Variants in MIPEP observed in about 807,000 individuals in gnomAD.
MIPEP encodes the protein mitochondrial intermediate peptidase.
Under a neutral mutation model 90.3 loss-of-function variants are expected in MIPEP, and 79 were observed. That is an observed-to-expected ratio of 0.87 (90% CI 0.73 to 1.05). The LOEUF is 1.05. Ranked by LOEUF, MIPEP falls within the 50% of genes least tolerant of loss-of-function variation. The pLI is 0.00. For missense variants in MIPEP, 940 were observed against 905.6 expected (o/e 1.04, Z -0.49); for synonymous variants, 334 against 315.8 (o/e 1.06, Z -0.61).
intron 18 of MIPEP, among the ~76,000 whole-genome samples, chr13:23,734,127 TG>T (rs1313470535): frequency 1.3e-5 from 2 of 152,222 alleles, no homozygotes; most frequent in South Asian, 2.1e-4. Context: ...AGAGAACATT[TG>T]TAGGGAAAAC....
intron 10 of MIPEP, among the ~76,000 whole-genome samples, chr13:23,842,837 C>T (rs1248807074): frequency 6.6e-6 from 1 of 152,102 alleles, no homozygotes. Context: ...CTGTGGCTCA[C>T]GCCTATAATC....
At chr13:23,821,601 C>A (rs1953305657) in intron 14 of MIPEP, among the ~76,000 whole-genome samples, 1 of 152,180 alleles carries the variant, frequency 6.6e-6, no homozygotes, top group East Asian at 1.9e-4. Flanking sequence ...CAATGAATCT[C>A]ACCTGATCCT....
At chr13:23,822,431 G>A (rs893608613) in intron 14 of MIPEP, among the ~76,000 whole-genome samples, 1 of 152,202 alleles carries the variant, frequency 6.6e-6, no homozygotes, top group Non-Finnish European at 1.5e-5. Flanking sequence ...CACCCCGCAA[G>A]GCTGTACTAC....
At chr13:23,737,047 C>A (rs1952272838) in intron 18 of MIPEP, among the ~76,000 whole-genome samples, 2 of 152,168 alleles carry the variant, frequency 1.3e-5, no homozygotes, top group South Asian at 2.1e-4. Flanking sequence ...TGTGACAGAA[C>A]CTAAATATGT....
chr13:23,837,863 TTTAAC>T, intron 12 of MIPEP, 107 bp from the exon 13 acceptor site: 1 of 717,730 alleles, frequency 1.4e-6, no homozygotes, highest in Admixed American at 2.7e-5. Flanking sequence ...GAGTGCAAAC[TTTAAC>T]TTAATTATAT....
intron 5 of MIPEP, 94 bp from the exon 6 acceptor site, chr13:23,870,289 T>C (rs1043035772): frequency 1.4e-5 from 10 of 719,324 alleles, no homozygotes; most frequent in African/African-American, 1.3e-4. Context: ...AATCAACATA[T>C]ATATTGTTGA....
chr13:23,777,329 G>T (rs190559927), intron 16 of MIPEP, among the ~76,000 whole-genome samples: 18 of 152,266 alleles, frequency 1.2e-4, no homozygotes, highest in African/African-American at 3.9e-4. Context: ...TTAAAATCTG[G>T]TTATCATCTA....
chr13:23,822,442 G>A (rs1416849936), intron 14 of MIPEP, among the ~76,000 whole-genome samples: 2 of 152,150 alleles, frequency 1.3e-5, no homozygotes, highest in Non-Finnish European at 2.9e-5. Context: ...GCTGTACTAC[G>A]GTTGGGTAAC....
chr13:23,886,900 T>G (rs1871509108), intron 1 of MIPEP, among the ~76,000 whole-genome samples: 1 of 151,980 alleles, frequency 6.6e-6, no homozygotes, highest in Admixed American at 6.6e-5. Context: ...CCATAATTAT[T>G]ATTAGCTTAT....
chr13:23,761,628 A>G (rs1952545170), intron 16 of MIPEP, among the ~76,000 whole-genome samples: 1 of 152,214 alleles, frequency 6.6e-6, no homozygotes, highest in South Asian at 2.1e-4. Context: ...ATTCATCAGC[A>G]GGTGCAGGGC....
chr13:23,888,040 T>C, intron 1 of MIPEP: 2 of 413,058 alleles, frequency 4.8e-6, no homozygotes, highest in South Asian at 3.6e-5. Flanking sequence ...AAGGCTTTTT[T>C]TTTTTCAAGG....
intron 2 of MIPEP, 120 bp downstream of exon 2, chr13:23,886,213 G>T: frequency 1.3e-6 from 1 of 761,874 alleles, no homozygotes; most frequent in Non-Finnish European, 1.8e-6. Context: ...ATGGATCTCA[G>T]TTTCAGACAT....
chr13:23,804,741 C>A (rs143993148), intron 16 of MIPEP, among the ~76,000 whole-genome samples: 9 of 152,254 alleles, frequency 5.9e-5, no homozygotes, highest in African/African-American at 2.2e-4. Context: ...AGCATTAGGA[C>A]CTGAAGATTT....
At chr13:23,858,681 A>C (rs1870152086) in intron 10 of MIPEP, among the ~76,000 whole-genome samples, 179 bp downstream of exon 10, 1 of 152,122 alleles carries the variant, frequency 6.6e-6, no homozygotes, top group African/African-American at 2.4e-5. Flanking sequence ...TAGAATTTTA[A>C]ACAAGGAAAT....
intron 16 of MIPEP, chr13:23,766,025 G>A (rs925984628): frequency 1.3e-5 from 2 of 152,130 alleles, no homozygotes; most frequent in Non-Finnish European, 2.9e-5. Context: ...AAAGGCCTCT[G>A]ATATGGAATA....
intron 3 of MIPEP, among the ~76,000 whole-genome samples, chr13:23,879,854 C>A (rs1871207856): frequency 6.6e-6 from 1 of 152,098 alleles, no homozygotes; most frequent in South Asian, 2.1e-4. Flanking sequence ...ATCATGTGTG[C>A]AGCACACATT....
chr13:23,756,446 C>T, intron 18 of MIPEP, 99 bp downstream of exon 18: 11 of 1,281,240 alleles, frequency 8.6e-6, no homozygotes, highest in Non-Finnish European at 1.2e-5. Context: ...CATGAACCAC[C>T]ACACCTGGCC....
chr13:23,874,955 C>A, intron 4 of MIPEP, 46 bp from the exon 5 acceptor site: 1 of 1,520,978 alleles, frequency 6.6e-7, no homozygotes, highest in South Asian at 1.3e-5. Context: ...ATAAAAATTG[C>A]TAACAAAAAA....
intron 10 of MIPEP, among the ~76,000 whole-genome samples, chr13:23,847,110 T>C (rs1282245712): frequency 6.6e-6 from 1 of 152,192 alleles, no homozygotes; most frequent in Non-Finnish European, 1.5e-5. Context: ...CATCTTTGTT[T>C]AGGCTGAGGT....
Sources: allele counts gnomAD v4.1 joint callset (sites outside exome capture counted in the v4.1 genomes callset), GRCh38; gene constraint gnomAD v4.1.1; transcripts MANE v1.5; gene names NCBI Gene and HGNC (gene_info 2026-07-23, HGNC 2026-07-21).